The following ZNF708 variants were observed in gnomAD, a reference collection of about 807,000 sequenced individuals.
ZNF708 encodes the protein ZNF15, ZNF15L1.
In ZNF708, 44 loss-of-function variants were observed where a neutral mutation model predicts 47.0. That is an observed-to-expected ratio of 0.94 (90% CI 0.74 to 1.20). The LOEUF (loss-of-function observed/expected upper bound fraction) is 1.20. ZNF708 is among the 50% of genes most tolerant of loss of function. The probability of loss-of-function intolerance (pLI) is 0.00; values close to 1 mark genes in which losing one functional copy is unlikely to be tolerated. For missense variants in ZNF708, 557 were observed against 656.0 expected (o/e 0.85, Z 1.65); for synonymous variants, 184 against 218.5 (o/e 0.84, Z 1.39).
At chr19:21,296,019 GA>G (rs1194859403) in intron 3 of ZNF708, among the ~76,000 whole-genome samples, 2 of 151,914 alleles carry the variant, frequency 1.3e-5, no homozygotes, top group Non-Finnish European at 2.9e-5. Context: ...CATAAATTAG[GA>G]AGATAAAAAT....
chr19:21,309,198 C>T, intron 3 of ZNF708, 48 bp downstream of exon 3: 1 of 1,492,154 alleles, frequency 6.7e-7, no homozygotes, highest in Non-Finnish European at 9.1e-7. Flanking sequence ...TTCTCTTTTA[C>T]CTTTGGACCT....
Position 21,293,560 on chromosome 19 carries a change from A to T in ZNF708, c.1406T>A (p.Ile469Asn), listed in dbSNP as rs2145144212. 1 of 1,613,064 alleles carries T rather than the reference A, an allele frequency of 6.2e-7. No individual in the cohort carries two copies. The highest frequency in any genetic ancestry group is 1.3e-5 in the African/African-American group (1 of 74,930). Residue 469 changes from isoleucine (I) to asparagine (N), a missense_variant, in exon 4 of 4, where the codon ATT becomes AAT. Physicochemically the swap from Ile to Asn is moderately radical, Grantham distance 149. Transcript: ENST00000356929. ...CTTATAGGGTTTCTCTCCAGTATGA[A>T]TTTTTTTATGATTAGTAAAATTTGA... ...YSSNFTNHKK[I>N]HTGEKPYKCE...
chr19:21,310,319 C>A (rs1355855234), intron 2 of ZNF708, among the ~76,000 whole-genome samples, 182 bp downstream of exon 2: 1 of 151,648 alleles, frequency 6.6e-6, no homozygotes, highest in African/African-American at 2.4e-5. Context: ...GTGGCACATG[C>A]CTGTAATCTC....
intron 1 of ZNF708, among the ~76,000 whole-genome samples, chr19:21,320,701 A>G (rs1973109985): frequency 6.6e-6 from 1 of 151,732 alleles, no homozygotes; most frequent in Non-Finnish European, 1.5e-5. Flanking sequence ...TCCAAAGAAA[A>G]ATAAAATAAA....
intron 1 of ZNF708, 136 bp from the exon 2 acceptor site, chr19:21,310,763 A>ATT: frequency 1.6e-6 from 1 of 617,394 alleles, no homozygotes; most frequent in Non-Finnish European, 2.4e-6. Flanking sequence ...CAATAAAATA[A>ATT]TTTTCAACAC....
chr19:21,302,079 T>C (rs371150605), intron 3 of ZNF708, among the ~76,000 whole-genome samples: 2 of 152,046 alleles, frequency 1.3e-5, no homozygotes, highest in Admixed American at 6.6e-5. Context: ...CTGAGCAACA[T>C]AGTGAGACTC....
intron 1 of ZNF708, among the ~76,000 whole-genome samples, chr19:21,324,501 A>C (rs759365914): frequency 1.3e-5 from 2 of 152,148 alleles, no homozygotes; most frequent in Non-Finnish European, 2.9e-5. Context: ...CAGGAGGCGG[A>C]AGCTGCAGTA....
intron 3 of ZNF708, among the ~76,000 whole-genome samples, chr19:21,297,908 A>G (rs569817320): frequency 2.6e-5 from 4 of 152,264 alleles, no homozygotes; most frequent in Admixed American, 2.6e-4. Flanking sequence ...CTCTGAAAAG[A>G]GAAAAAAGGA....
Position 21,292,933 on chromosome 19 carries a change from G to T in ZNF708, c.*341C>A, listed in dbSNP as rs1026874454. The T allele has an allele frequency of 5.0e-6, 1 of 198,348 alleles. No homozygotes were observed. The highest frequency in any genetic ancestry group is 9.6e-5 in the South Asian group (1 of 10,422). The allele number at this position is 198,348 out of a possible 1,614,324, so 12.3% of individuals were successfully genotyped here. A position where few individuals can be genotyped will look rare whatever the true frequency, so the allele number is the denominator to read the frequency against. On this transcript the variant is annotated 3_prime_UTR_variant, in exon 4 of 4. Coordinates refer to ENST00000356929, the MANE Select transcript of ZNF708 (RefSeq NM_021269.3). The stretch of plus-strand genomic sequence containing the variant: ...AGTGTGACAATCATTTAAAGATTTT[G>T]TCACATTTTTCGCATTTTTAAAGTT...
chr19:21,313,862 T>C (rs1568352460), intron 1 of ZNF708, among the ~76,000 whole-genome samples: 1 of 152,114 alleles, frequency 6.6e-6, no homozygotes, highest in Non-Finnish European at 1.5e-5. Context: ...ACTGGGTTTA[T>C]ATTTACTTTT....
chr19:21,321,594 A>AGAAGG (rs954570467), intron 1 of ZNF708, among the ~76,000 whole-genome samples: 9 of 125,304 alleles, frequency 7.2e-5, no homozygotes, highest in Admixed American at 3.6e-4. Context: ...AAAAGGGAAG[A>AGAAGG]GAAGGGAAGG....
chr19:21,299,119 G>A (rs528641507), intron 3 of ZNF708, among the ~76,000 whole-genome samples: 2 of 152,310 alleles, frequency 1.3e-5, no homozygotes, highest in East Asian at 3.9e-4. Flanking sequence ...ACTTTAGGGG[G>A]CCGAGGCGGG....
chr19:21,309,303 C>A lies in ZNF708; in HGVS notation c.169G>T (p.Glu57Ter), dbSNP rs141649029. The A allele has an allele frequency of 6.2e-7, 1 of 1,603,616 alleles. No homozygotes were observed. Among genetic ancestry groups the A allele is most frequent in the Non-Finnish European group, 8.5e-7 (1 of 1,174,686 alleles). ...VSNLDLITCL[E>*]QGKEPWNMKR... ...ATATTCCAGGGCTCTTTTCCTTGCT[C>A]CAGACAGGTGATCAGGTCTAAATTA... Residue 57 changes from glutamate (E) to a stop codon, truncating the protein, a stop_gained, in exon 3 of 4, where the codon GAG becomes TAG. Transcript: ENST00000356929. LOFTEE classifies it high-confidence loss of function.
intron 1 of ZNF708, among the ~76,000 whole-genome samples, chr19:21,316,018 G>A (rs957582631): frequency 2.0e-5 from 3 of 148,324 alleles, no homozygotes; most frequent in East Asian, 2.0e-4. Context: ...GCAGTGAGCC[G>A]AGTTCGTGCC....
chr19:21,298,023 T>C (rs572833425), intron 3 of ZNF708, among the ~76,000 whole-genome samples: 21 of 151,852 alleles, frequency 1.4e-4, no homozygotes, highest in African/African-American at 4.3e-4. Context: ...CACATGAGGG[T>C]TTCAAATATA....
rs558168635 is a variant in ZNF708, at chr19:21,308,291, T to C, written c.226+955A>G. Among the ~76,000 whole-genome samples the C allele has an allele frequency of 1.6e-3, 250 of 151,908 alleles. 1 individual carries two copies. The highest frequency in any genetic ancestry group is 5.8e-3 in the African/African-American group (241 of 41,420). ...AAACTATAATAAATCTTTTTTTTTT[T>C]TTTTTGAGATTGAGTTTCACTCTTA... On this transcript the variant is annotated intron_variant, in intron 3 of 3. Coordinates refer to ENST00000356929, the MANE Select transcript of ZNF708 (RefSeq NM_021269.3).
At chr19:21,326,076 T>C (rs553113030) in intron 1 of ZNF708, among the ~76,000 whole-genome samples, 1 of 152,286 alleles carries the variant, frequency 6.6e-6, no homozygotes, top group African/African-American at 2.4e-5. Flanking sequence ...GATGTTGGCA[T>C]GGACGTGGTG....
At chr19:21,328,009 G>A in intron 1 of ZNF708, 1 of 997,262 alleles carries the variant, frequency 1.0e-6, no homozygotes, top group Non-Finnish European at 1.2e-6. Context: ...ATATTCACTA[G>A]ACACTCTAGC....
chr19:21,303,417 G>A (rs1394857333), intron 3 of ZNF708, among the ~76,000 whole-genome samples: 1 of 152,244 alleles, frequency 6.6e-6, no homozygotes, highest in East Asian at 1.9e-4. Context: ...AGATGGGTGT[G>A]GTGGCACATG....
Sources: gnomAD v4.1 joint callset for allele counts (sites outside exome capture counted in the v4.1 genomes callset) on GRCh38, gnomAD v4.1.1 for gene constraint, MANE v1.5 for transcripts, NCBI Gene and HGNC (gene_info 2026-07-23, HGNC 2026-07-21) for gene names.